The following SLC8A3 variants were observed in gnomAD, a reference collection of about 807,000 sequenced individuals.
The protein encoded by SLC8A3 is sodium/calcium exchanger 3.
A neutral mutation model predicts 65.4 loss-of-function variants in SLC8A3; 37 were observed. The observed-to-expected ratio is 0.57, with a 90% CI of 0.44 to 0.74. SLC8A3 has a LOEUF of 0.74. Among genes scored for constraint, SLC8A3 ranks in the 30% least tolerant of loss-of-function variants. The pLI, the probability that SLC8A3 is intolerant of heterozygous loss-of-function variation, is 0.00. For synonymous variants in SLC8A3, 461 were observed against 444.5 expected (o/e 1.04, Z -0.47); for missense variants, 1,112 against 1,172.1 (o/e 0.95, Z 0.75).
intron 2 of SLC8A3, among the ~76,000 whole-genome samples, chr14:70,096,817 T>G (rs1309917837): frequency 6.6e-6 from 1 of 152,152 alleles, no homozygotes; most frequent in Non-Finnish European, 1.5e-5. Context: ...TCTTTTCCAC[T>G]TTGGTCTTTT....
chr14:70,185,266 C>T (rs1219270045), intron 1 of SLC8A3, among the ~76,000 whole-genome samples: 2 of 152,240 alleles, frequency 1.3e-5, no homozygotes, highest in Non-Finnish European at 2.9e-5. Flanking sequence ...CACGCCCATC[C>T]TATTCCTTTC....
intron 2 of SLC8A3, among the ~76,000 whole-genome samples, chr14:70,143,669 T>A (rs1039486126): frequency 6.6e-6 from 1 of 152,242 alleles, no homozygotes; most frequent in African/African-American, 2.4e-5. Flanking sequence ...GAAGCCCTCA[T>A]CCACAGGAAA....
chr14:70,174,651 G>GGTTTTTTTTTTTTTTTTTT (rs1555385182), intron 1 of SLC8A3, among the ~76,000 whole-genome samples: 1 of 90,364 alleles, frequency 1.1e-5, no homozygotes, highest in African/African-American at 4.9e-5. Flanking sequence ...GACCAAATCC[G>GGTTTTTTTTTTTTTTTTTT]TTTTTTTTTT....
At position 70,107,743 on chromosome 14, in the gene SLC8A3, A is replaced by G. The variant is rs115542223; in HGVS notation, c.1785-46804T>C. Among the ~76,000 whole-genome samples, 347 of 152,108 alleles carry G rather than the reference A, an allele frequency of 2.3e-3. 3 individuals carry two copies. Among genetic ancestry groups the G allele is most frequent in the African/African-American group, 8.2e-3 (340 of 41,446 alleles). ...CTGTACATTTTTAATACCAGAAATG[A>G]CTCCAGCAGGAGCTCCCTGCAATCC... On this transcript the variant is annotated intron_variant, in intron 2 of 6. Coordinates refer to ENST00000356921, the MANE Select transcript of SLC8A3 (RefSeq NM_182932.3).
chr14:70,118,889 T>A (rs1893841936), intron 2 of SLC8A3, among the ~76,000 whole-genome samples: 1 of 152,228 alleles, frequency 6.6e-6, no homozygotes, highest in African/African-American at 2.4e-5. Flanking sequence ...ATAGCTTTGC[T>A]GTATAAAGTC....
intron 2 of SLC8A3, among the ~76,000 whole-genome samples, chr14:70,091,848 A>G (rs1324804830): frequency 6.6e-6 from 1 of 152,100 alleles, no homozygotes; most frequent in African/African-American, 2.4e-5. Context: ...CATCCTCACA[A>G]TTGCATTTAT....
chr14:70,058,452 A>G (rs1011292895), intron 3 of SLC8A3, among the ~76,000 whole-genome samples: 1 of 152,140 alleles, frequency 6.6e-6, no homozygotes, highest in Non-Finnish European at 1.5e-5. Flanking sequence ...AAATTGACCA[A>G]TTTCTTCTTG....
rs77912274 is a variant in SLC8A3 at position 70,069,667 on chromosome 14, C to T, written c.1785-8728G>A. Among the ~76,000 whole-genome samples the T allele has an allele frequency of 9.9e-3, 1,507 of 152,282 alleles. 24 individuals are homozygous for T. The highest frequency in any genetic ancestry group is 0.035 in the African/African-American group (1,470 of 41,554). On this transcript the variant is annotated intron_variant, in intron 2 of 6. Coordinates refer to ENST00000356921, the MANE Select transcript of SLC8A3 (RefSeq NM_182932.3). ...TTTGAACGTGGACTGAACCCCCCAC[C>T]GCCACCTGTCACCAACAACCCAACA...
At chr14:70,170,509 A>C (rs527350157) in intron 1 of SLC8A3, among the ~76,000 whole-genome samples, 16 of 152,256 alleles carry the variant, frequency 1.1e-4, no homozygotes, top group Non-Finnish European at 2.1e-4. Context: ...GTAGGTTCTC[A>C]GTAACTGTAT....
At chr14:70,055,663 G>A in intron 3 of SLC8A3, 1 of 689,492 alleles carries the variant, frequency 1.5e-6, no homozygotes, top group Non-Finnish European at 2.4e-6. Flanking sequence ...AAATCTCCCA[G>A]TCCTTGGGAG....
At chr14:70,133,958 C>T (rs1012145719) in intron 2 of SLC8A3, among the ~76,000 whole-genome samples, 4 of 152,188 alleles carry the variant, frequency 2.6e-5, no homozygotes, top group Admixed American at 6.5e-5. Flanking sequence ...GGGTCAACTT[C>T]CCCTCTATCT....
intron 2 of SLC8A3, among the ~76,000 whole-genome samples, chr14:70,131,456 C>T (rs8018678): frequency 0.16 from 23,895 of 152,094 alleles, 2,017 homozygotes; most frequent in African/African-American, 0.2. Flanking sequence ...ATCATTGAGG[C>T]GAACATAATA....
At chr14:70,112,044 G>A (rs1262866774) in intron 2 of SLC8A3, among the ~76,000 whole-genome samples, 1 of 152,186 alleles carries the variant, frequency 6.6e-6, no homozygotes, top group Non-Finnish European at 1.5e-5. Flanking sequence ...TTTTAGTAGG[G>A]TAGAGGCATG....
intron 1 of SLC8A3, among the ~76,000 whole-genome samples, chr14:70,188,076 G>T (rs1038556034): frequency 6.6e-6 from 1 of 152,014 alleles, no homozygotes; most frequent in Admixed American, 6.6e-5. Context: ...GTACCCACCT[G>T]CCCAGGCATC....
chr14:70,163,156 T>C (rs935388526), intron 2 of SLC8A3, among the ~76,000 whole-genome samples: 2 of 152,212 alleles, frequency 1.3e-5, no homozygotes, highest in Admixed American at 6.5e-5. Flanking sequence ...CTGAACACCA[T>C]CTACGAGAAG....
At chr14:70,068,589 G>T (rs1014574993) in intron 2 of SLC8A3, among the ~76,000 whole-genome samples, 1 of 152,030 alleles carries the variant, frequency 6.6e-6, no homozygotes, top group African/African-American at 2.4e-5. Flanking sequence ...TCACTAAGTT[G>T]CCCAGGCTGA....
intron 2 of SLC8A3, among the ~76,000 whole-genome samples, chr14:70,105,094 C>A (rs778965999): frequency 1.3e-5 from 2 of 152,146 alleles, no homozygotes; most frequent in African/African-American, 2.4e-5. Context: ...CTTTGGGAGG[C>A]CGAGGCAGGT....
chr14:70,048,533 A>G, intron 6 of SLC8A3: 2 of 633,350 alleles, frequency 3.2e-6, no homozygotes, highest in East Asian at 5.5e-5. Context: ...GAAAATGTAA[A>G]TGTGTAAATT....
intron 2 of SLC8A3, among the ~76,000 whole-genome samples, chr14:70,163,107 T>A (rs1896977301): frequency 6.6e-6 from 1 of 152,254 alleles, no homozygotes; most frequent in Non-Finnish European, 1.5e-5. Flanking sequence ...GTAATGTAGC[T>A]AGTACATAGC....
Sources: gnomAD v4.1 joint callset for allele counts (sites outside exome capture counted in the v4.1 genomes callset) on GRCh38, gnomAD v4.1.1 for gene constraint, MANE v1.5 for transcripts, NCBI Gene and HGNC (gene_info 2026-07-23, HGNC 2026-07-21) for gene names.